EPHA3: variants seen among roughly 807,000 people sequenced by gnomAD.
EPHA3 encodes ephrin type-A receptor 3.
Under a neutral mutation model 107.1 loss-of-function variants are expected in EPHA3, and 42 were observed. The observed-to-expected ratio is 0.39, with a 90% CI of 0.31 to 0.51. The LOEUF is 0.51. EPHA3 is among the 20% of genes least tolerant of loss of function. EPHA3 has a pLI of 0.78. For missense variants in EPHA3, 1,183 were observed against 1,211.2 expected (o/e 0.98, Z 0.35); for synonymous variants, 461 against 424.8 (o/e 1.09, Z -1.05).
At chr3:89,184,416 G>A (rs1705514502) in intron 2 of EPHA3, among the ~76,000 whole-genome samples, 1 of 151,936 alleles carries the variant, frequency 6.6e-6, no homozygotes, top group Non-Finnish European at 1.5e-5. Context: ...TGGGCTGGTT[G>A]TTTACATTGG....
At chr3:89,315,624 A>T (rs1030128941) in intron 3 of EPHA3, among the ~76,000 whole-genome samples, 7 of 151,756 alleles carry the variant, frequency 4.6e-5, no homozygotes, top group Non-Finnish European at 8.8e-5. Context: ...TAATAAAAAA[A>T]AAAAAAAAGC....
intron 3 of EPHA3, among the ~76,000 whole-genome samples, chr3:89,219,703 G>GTTTGTTTTTTT (rs1704316185): frequency 7.6e-5 from 2 of 26,238 alleles, no homozygotes; most frequent in Non-Finnish European, 1.4e-4. Flanking sequence ...TTTTTTTTTT[G>GTTTGTTTTTTT]TTTTTTGTTT....
At chr3:89,384,411 A>G (rs1708573315) in intron 5 of EPHA3, among the ~76,000 whole-genome samples, 1 of 152,146 alleles carries the variant, frequency 6.6e-6, no homozygotes, top group African/African-American at 2.4e-5. Context: ...AAAGACAGAA[A>G]CTTAACTGAA....
intron 2 of EPHA3, among the ~76,000 whole-genome samples, chr3:89,173,779 C>T (rs1203430440): frequency 1.3e-5 from 2 of 151,752 alleles, no homozygotes; most frequent in Non-Finnish European, 2.9e-5. Flanking sequence ...TTCTTGAGAA[C>T]TAAAACAATG....
intron 3 of EPHA3, among the ~76,000 whole-genome samples, chr3:89,269,200 A>G (rs1705606080): frequency 6.6e-6 from 1 of 152,152 alleles, no homozygotes; most frequent in Non-Finnish European, 1.5e-5. Flanking sequence ...AAAACAACTT[A>G]TGAAGAATAC....
At chr3:89,176,981 T>TCA (rs757911338) in intron 2 of EPHA3, among the ~76,000 whole-genome samples, 205 of 150,556 alleles carry the variant, frequency 1.4e-3, no homozygotes, top group Middle Eastern at 6.8e-3. Context: ...GACACATATC[T>TCA]CACACACACA....
rs530328543 is a variant in EPHA3 at position 89,459,335 on chromosome 3, G to T, written c.2690+8965G>T. On this transcript the variant is annotated intron_variant, in intron 15 of 16. Coordinates refer to ENST00000336596, the MANE Select transcript of EPHA3 (RefSeq NM_005233.6). ...GCAAAACAAGAAGATGTGCATAAAA[G>T]AATGAAAACAAAAGAAGCTCTCCTC... 2.0e-5 allele frequency among the ~76,000 whole-genome samples: 3 copies of T among 152,168 alleles called. No homozygotes were observed. The East Asian group carries it at 5.8e-4, about 29-fold the overall frequency.
intron 3 of EPHA3, among the ~76,000 whole-genome samples, chr3:89,338,588 G>A (rs769464467): frequency 5.3e-5 from 8 of 152,074 alleles, no homozygotes; most frequent in Non-Finnish European, 1.0e-4. Flanking sequence ...TCGCTCTGTC[G>A]CCCAGGCCGG....
At chr3:89,202,341 A>AAAATAAAT (rs1374609713) in intron 2 of EPHA3, among the ~76,000 whole-genome samples, 1 of 151,618 alleles carries the variant, frequency 6.6e-6, no homozygotes, top group African/African-American at 2.4e-5. Context: ...CTGAAAATAA[A>AAAATAAAT]AAATAAATAA....
At chr3:89,459,080 T>A (rs188357278) in intron 15 of EPHA3, among the ~76,000 whole-genome samples, 1 of 152,036 alleles carries the variant, frequency 6.6e-6, no homozygotes. Flanking sequence ...CTAATGCATG[T>A]GGAGCTTAAA....
chr3:89,208,802 C>A (rs371808963), intron 2 of EPHA3, among the ~76,000 whole-genome samples: 2 of 151,994 alleles, frequency 1.3e-5, no homozygotes, highest in African/African-American at 4.8e-5. Context: ...AAGAGGAACA[C>A]AAATGTGAAA....
chr3:89,224,912 A>C (rs1448787520), intron 3 of EPHA3, among the ~76,000 whole-genome samples: 1 of 151,946 alleles, frequency 6.6e-6, no homozygotes, highest in African/African-American at 2.4e-5. Context: ...ACACTTTCTA[A>C]ATACTCTTTG....
intron 13 of EPHA3, among the ~76,000 whole-genome samples, chr3:89,434,048 A>T (rs191202173): frequency 1.3e-5 from 2 of 152,258 alleles, no homozygotes; most frequent in Admixed American, 1.3e-4. Flanking sequence ...GAGTCCATGA[A>T]AAGTATCATG....
At chr3:89,169,918 A>G (rs1320099769) in intron 2 of EPHA3, among the ~76,000 whole-genome samples, 1 of 152,138 alleles carries the variant, frequency 6.6e-6, no homozygotes, top group Non-Finnish European at 1.5e-5. Context: ...ACAGAGCCAG[A>G]TGAACGGCTC....
intron 3 of EPHA3, among the ~76,000 whole-genome samples, chr3:89,247,401 G>A (rs936042593): frequency 6.6e-6 from 1 of 152,202 alleles, no homozygotes; most frequent in Non-Finnish European, 1.5e-5. Context: ...TAATAATAAG[G>A]TTTAAGCAAG....
intron 3 of EPHA3, among the ~76,000 whole-genome samples, chr3:89,311,157 T>C (rs929000091): frequency 1.3e-5 from 2 of 152,024 alleles, no homozygotes; most frequent in African/African-American, 4.8e-5. Context: ...GGACAAAAAG[T>C]GTATACATAT....
chr3:89,146,343 C>T (rs75063385), intron 2 of EPHA3, among the ~76,000 whole-genome samples: 5,028 of 151,772 alleles, frequency 0.033, 104 homozygotes, highest in Middle Eastern at 0.079. Flanking sequence ...AATGATGCTG[C>T]CAATTCAGAT....
chr3:89,303,725 T>C (rs1015928047), intron 3 of EPHA3, among the ~76,000 whole-genome samples: 2 of 152,148 alleles, frequency 1.3e-5, no homozygotes, highest in Non-Finnish European at 2.9e-5. Context: ...ACAACATATT[T>C]AGAATTTTTT....
intron 14 of EPHA3, among the ~76,000 whole-genome samples, chr3:89,449,699 A>C (rs1416700169): frequency 2.0e-5 from 3 of 152,180 alleles, no homozygotes; most frequent in Admixed American, 1.3e-4. Flanking sequence ...TACACCATTG[A>C]AAAGTACTAA....
Sources: gnomAD v4.1 joint callset for allele counts (sites outside exome capture counted in the v4.1 genomes callset) on GRCh38, gnomAD v4.1.1 for gene constraint, MANE v1.5 for transcripts, NCBI Gene and HGNC (gene_info 2026-07-23, HGNC 2026-07-21) for gene names.